Variants in OPHN1 observed in about 807,000 individuals in gnomAD.
OPHN1 encodes the protein oligophrenin-1.
Under a neutral mutation model 60.7 loss-of-function variants are expected in OPHN1, and 11 were observed. The observed-to-expected ratio is 0.18, with a 90% CI of 0.11 to 0.30. OPHN1 has a LOEUF of 0.30. Ranked by LOEUF, OPHN1 falls within the 10% of genes least tolerant of loss-of-function variation. The pLI, the probability that OPHN1 is intolerant of heterozygous loss-of-function variation, is 1.00. For synonymous variants in OPHN1, 226 were observed against 222.6 expected, an observed-to-expected ratio of 1.02 and a Z score of -0.14; for missense variants, 449 against 611.0, an observed-to-expected ratio of 0.73 and a Z score of 2.80.
chrX:68,201,482 T>C (rs2077534946), intron 11 of OPHN1, 137 bp downstream of exon 11: 10 of 533,115 alleles, frequency 1.9e-5, no homozygotes, highest in South Asian at 1.1e-4. Flanking sequence ...AGAGCTGGCT[T>C]GAATAGACTC....
chrX:68,165,298 C>T (rs1221341162), intron 15 of OPHN1, among the ~76,000 whole-genome samples: 1 of 111,868 alleles, frequency 8.9e-6, no homozygotes, highest in Admixed American at 9.6e-5. Context: ...TTTCGACATG[C>T]CTTCCTCATT....
chrX:68,404,127 C>G (rs992505354), intron 2 of OPHN1, among the ~76,000 whole-genome samples: 2 of 109,424 alleles, frequency 1.8e-5, no homozygotes, highest in African/African-American at 6.6e-5. Context: ...CAAAATGGTG[C>G]AGCCATTATG....
intron 2 of OPHN1, among the ~76,000 whole-genome samples, chrX:68,332,196 T>TAG (rs1463044221): frequency 1.8e-5 from 2 of 111,979 alleles, no homozygotes; most frequent in Non-Finnish European, 3.8e-5. Context: ...AATAACTAGC[T>TAG]TTTTGCTGTG....
chrX:68,124,107 T>A (rs2077160440), intron 15 of OPHN1, among the ~76,000 whole-genome samples: 1 of 110,436 alleles, frequency 9.1e-6, no homozygotes, highest in Non-Finnish European at 1.9e-5. Flanking sequence ...TTAGAAAAAA[T>A]AGACTTCAAG....
intron 21 of OPHN1, among the ~76,000 whole-genome samples, chrX:68,054,313 G>A (rs1327055076): frequency 9.0e-6 from 1 of 110,953 alleles, no homozygotes; most frequent in African/African-American, 3.3e-5. Context: ...TAGTTTCCTT[G>A]TCAGTTAGTA....
intron 2 of OPHN1, among the ~76,000 whole-genome samples, chrX:68,377,587 C>G (rs867423160): frequency 9.3e-6 from 1 of 107,674 alleles, no homozygotes; most frequent in Non-Finnish European, 1.9e-5. Flanking sequence ...CTCCTCCCCC[C>G]ACCCCACAAC....
At chrX:68,253,420 C>T (rs1365579048) in intron 5 of OPHN1, among the ~76,000 whole-genome samples, 1 of 111,145 alleles carries the variant, frequency 9.0e-6, no homozygotes, top group Non-Finnish European at 1.9e-5. Flanking sequence ...TATGGAATAT[C>T]TCTGAAGAAC....
chrX:68,378,579 G>C (rs1445097452), intron 2 of OPHN1, among the ~76,000 whole-genome samples: 1 of 111,901 alleles, frequency 8.9e-6, no homozygotes, highest in African/African-American at 3.2e-5. Context: ...TAATGTTTAA[G>C]TCTTTAATCC....
At chrX:68,080,656 G>A (rs2076970890) in intron 19 of OPHN1, among the ~76,000 whole-genome samples, 1 of 111,844 alleles carries the variant, frequency 8.9e-6, no homozygotes, top group South Asian at 3.8e-4. Flanking sequence ...TAGTAAATGG[G>A]GACAAATGGA....
At chrX:68,177,223 G>A (rs2077418250) in intron 15 of OPHN1, among the ~76,000 whole-genome samples, 1 of 110,262 alleles carries the variant, frequency 9.1e-6, no homozygotes. Flanking sequence ...GGAGAGAGGA[G>A]GATGGAAAGT....
rs767965498 is a variant in OPHN1, at chrX:68,133,407, C to T, written c.1277-14075G>A. On this transcript the variant is annotated intron_variant, in intron 15 of 24. Transcript: ENST00000355520. ...ATTCACACATGATCAGATTATGCAA[C>T]GGTATGGGACAAGGCCAACAAGCCA... is the stretch of plus-strand genomic sequence containing the variant. 32 of 776,876 alleles carry T rather than the reference C, an allele frequency of 4.1e-5. No homozygotes were observed. The South Asian group carries it at 6.3e-4, about 15-fold the overall frequency. 64.0% of individuals were successfully genotyped at this position (776,876 alleles called of 1,213,427 possible).
At chrX:68,333,688 G>GAC (rs756801078) in intron 2 of OPHN1, among the ~76,000 whole-genome samples, 314 of 104,299 alleles carry the variant, frequency 3.0e-3, no homozygotes, top group Middle Eastern at 0.01. Flanking sequence ...CACACACACA[G>GAC]ACACACACAC....
chrX:68,419,893 T>C (rs747946187), intron 2 of OPHN1, among the ~76,000 whole-genome samples: 2 of 111,239 alleles, frequency 1.8e-5, no homozygotes, highest in Non-Finnish European at 3.8e-5. Flanking sequence ...TAATGAAAAA[T>C]GCCCAAGGTT....
intron 18 of OPHN1, among the ~76,000 whole-genome samples, chrX:68,102,615 A>G (rs1373363598): frequency 8.1e-5 from 9 of 111,562 alleles, no homozygotes; most frequent in African/African-American, 2.9e-4. Flanking sequence ...TTAACTAAAC[A>G]GATAGACTGC....
chrX:68,327,083 C>T (rs1315377068), intron 2 of OPHN1, among the ~76,000 whole-genome samples: 4 of 24,905 alleles, frequency 1.6e-4, no homozygotes, highest in African/African-American at 1.1e-3. Flanking sequence ...TGAGGGGCGC[C>T]TCTGCCCGGC....
At chrX:68,363,577 G>A (rs767991490) in intron 2 of OPHN1, among the ~76,000 whole-genome samples, 1 of 111,249 alleles carries the variant, frequency 9.0e-6, no homozygotes, top group Non-Finnish European at 1.9e-5. Flanking sequence ...TTCCTAAATT[G>A]CTGGGATTAC....
At chrX:68,345,099 G>A (rs1347310915) in intron 2 of OPHN1, among the ~76,000 whole-genome samples, 1 of 112,108 alleles carries the variant, frequency 8.9e-6, no homozygotes, top group Non-Finnish European at 1.9e-5. Context: ...ACAACTCTGT[G>A]GAGTACAAAT....
In OPHN1 at chrX:68,194,477, T is replaced by C. The variant is rs797045849; in HGVS notation, c.1126A>G (p.Lys376Glu). The change falls in exon 13 of 25, where the codon AAA becomes GAA. Residue 376 changes from lysine (K) to glutamate (E), a missense_variant. Physicochemically the swap from Lys to Glu is moderately conservative, Grantham distance 56. Around this residue, in one of 4 missense-constraint regions of OPHN1, gnomAD observed 166 missense variants for 278.4 expected, o/e 0.60. Transcript: ENST00000355520. Reference protein sequence around the residue: ...KEPIYHSPITKQQEMELNEVG... With the variant: ...KEPIYHSPITEQQEMELNEVG... ...TTAAGTGACTCACTTTCTTGCTGTT[T>C]TGTTATAGGGCTGTGGTAGATCTAC... is the stretch of plus-strand genomic sequence containing the variant. 1.4e-5 allele frequency: 17 copies of C among 1,208,011 alleles called. No homozygotes were observed. Among genetic ancestry groups the C allele is most frequent in the Non-Finnish European group, 1.8e-5 (16 of 892,342 alleles).
At chrX:68,262,492 A>AT (rs2077898243) in intron 5 of OPHN1, among the ~76,000 whole-genome samples, 1 of 112,374 alleles carries the variant, frequency 8.9e-6, no homozygotes, top group Non-Finnish European at 1.9e-5. Flanking sequence ...TAGAAAAAAA[A>AT]CAAATGTCCA....
Sources: allele counts gnomAD v4.1 joint callset (sites outside exome capture counted in the v4.1 genomes callset), GRCh38; gene constraint gnomAD v4.1.1; regional missense constraint gnomAD v4.1.1; transcripts MANE v1.5; gene names NCBI Gene and HGNC (gene_info 2026-07-23, HGNC 2026-07-21).